The following FKBP14 variants were observed in gnomAD, a reference collection of about 807,000 sequenced individuals.
FKBP14 encodes FKBP prolyl isomerase 14.
In FKBP14, 20 loss-of-function variants were observed where a neutral mutation model predicts 21.6. The observed-to-expected ratio is 0.92, with a 90% confidence interval of 0.65 to 1.34. The LOEUF (loss-of-function observed/expected upper bound fraction) is 1.34, where lower values mean the gene tolerates loss of function less well. Among genes scored for constraint, FKBP14 ranks in the 40% most tolerant of loss-of-function variants. The pLI is 0.00. For synonymous variants in FKBP14, 79 were observed against 86.7 expected, an observed-to-expected ratio of 0.91 and a Z score of 0.49; for missense variants, 253 against 249.0, an observed-to-expected ratio of 1.02 and a Z score of -0.11.
intron 1 of FKBP14, among the ~76,000 whole-genome samples, chr7:30,023,959 C>T (rs1050408967): frequency 5.3e-5 from 8 of 152,008 alleles, no homozygotes; most frequent in African/African-American, 1.4e-4. Flanking sequence ...CAACTGGGGA[C>T]GAGGGAAATA....
intron 1 of FKBP14, among the ~76,000 whole-genome samples, chr7:30,024,239 T>C (rs1790112640): frequency 6.6e-6 from 1 of 152,156 alleles, no homozygotes. Context: ...AAATGCCAAC[T>C]GTAGAAAATT....
chr7:30,019,028 G>A lies in FKBP14; in HGVS notation c.445C>T (p.Leu149Phe). The A allele has an allele frequency of 6.2e-7, 1 of 1,608,724 alleles. No individual in the cohort carries two copies. The highest frequency in any genetic ancestry group is 8.5e-7 in the Non-Finnish European group (1 of 1,178,382). ...TTAGAGAGTTTCCAGTCATCATTAA[G>A]ATCCATTTCTTGGAATGATTCATGG... is the stretch of plus-strand genomic sequence containing the variant. ...RSHESFQEMDLNDDWKLSKDE... is the reference protein window; with the variant it reads ...RSHESFQEMDFNDDWKLSKDE... The change falls in exon 3 of 4, where the codon CTT (leucine) becomes TTT (phenylalanine). Residue 149 changes from leucine (L) to phenylalanine (F), a missense_variant. Leu to Phe is a conservative substitution (Grantham distance 22, BLOSUM62 0). Coordinates refer to ENST00000222803, the MANE Select transcript of FKBP14 (RefSeq NM_017946.4).
In FKBP14 at chr7:30,026,669, C is replaced by T; in HGVS notation, c.-161G>A. 3.2e-6 allele frequency: 2 copies of T among 624,860 alleles called. No individual in the cohort carries two copies. The highest frequency in any genetic ancestry group is 2.4e-5 in the South Asian group (1 of 41,864). The allele number at this position is 624,860 out of a possible 1,614,324, so 38.7% of individuals were successfully genotyped here. A position where few individuals can be genotyped will look rare whatever the true frequency, so the allele number is the denominator to read the frequency against. On this transcript the variant is annotated 5_prime_UTR_variant, in exon 1 of 4. Coordinates refer to ENST00000222803, the MANE Select transcript of FKBP14 (RefSeq NM_017946.4). ...GCACATTTACCACCAACTCTTTTCT[C>T]AAGGGTCACGAACCTACCTTTAAAG...
rs1371149177 is a variant in FKBP14 at position 30,012,000 on chromosome 7, G to A, written c.*2735C>T. The A allele has an allele frequency of 6.6e-6, 1 of 152,170 alleles. No homozygotes were observed. Among genetic ancestry groups the A allele is most frequent in the East Asian group, 1.9e-4 (1 of 5,192 alleles). 9.4% of individuals were successfully genotyped at this position (152,170 alleles called of 1,614,324 possible). ...AACAGCAACATGCTGTAGCCTAGGAGCAATAGGCTATATACATGTCCTACA... is the reference window on the plus strand; with the variant it reads ...AACAGCAACATGCTGTAGCCTAGGAACAATAGGCTATATACATGTCCTACA... On this transcript the variant is annotated 3_prime_UTR_variant, in exon 4 of 4. Coordinates refer to ENST00000222803, the MANE Select transcript of FKBP14 (RefSeq NM_017946.4).
At chr7:30,019,246 A>G in intron 2 of FKBP14, 123 bp from the exon 3 acceptor site, 1 of 885,544 alleles carries the variant, frequency 1.1e-6, no homozygotes, top group Non-Finnish European at 1.6e-6. Context: ...AGATTGTCAT[A>G]TATGATGAAA....
chr7:30,023,069 A>C (rs540030504), intron 1 of FKBP14, among the ~76,000 whole-genome samples: 73 of 146,202 alleles, frequency 5.0e-4, no homozygotes, highest in Admixed American at 1.3e-3. Flanking sequence ...TAAAAACAAC[A>C]ACCATTTGAA....
chr7:30,008,673 A>AT (rs1406951693), downstream of FKBP14, among the ~76,000 whole-genome samples: 4 of 130,694 alleles, frequency 3.1e-5, no homozygotes, highest in African/African-American at 8.9e-5. Flanking sequence ...GTGAGCTGAG[A>AT]TTTAAAAAAA....
At chr7:30,024,477 T>C (rs1341584861) in intron 1 of FKBP14, among the ~76,000 whole-genome samples, 1 of 152,224 alleles carries the variant, frequency 6.6e-6, no homozygotes, top group Non-Finnish European at 1.5e-5. Flanking sequence ...CTTGGCTCAC[T>C]GCAGCCTCCG....
chr7:30,008,947 CAAAA>C (rs1015375422), downstream of FKBP14, among the ~76,000 whole-genome samples: 1 of 114,638 alleles, frequency 8.7e-6, no homozygotes, highest in African/African-American at 3.3e-5. Context: ...AATCCGTCTC[CAAAA>C]AAAAAAAAAG....
chr7:30,020,288 A>G, intron 2 of FKBP14: 1 of 1,282,500 alleles, frequency 7.8e-7, no homozygotes, highest in Non-Finnish European at 1.0e-6. Flanking sequence ...AGAGGCATGC[A>G]AGCATGTACT....
downstream of FKBP14, among the ~76,000 whole-genome samples, chr7:30,006,507 A>G (rs965974020): frequency 6.6e-6 from 1 of 152,038 alleles, no homozygotes; most frequent in African/African-American, 2.4e-5. Flanking sequence ...TTCTGAAAAA[A>G]ATATATATAG....
intron 2 of FKBP14, among the ~76,000 whole-genome samples, chr7:30,022,148 C>T (rs1230532232): frequency 6.6e-6 from 1 of 152,098 alleles, no homozygotes. Context: ...CCATATATAA[C>T]CCACATCTAA....
At chr7:30,015,751 G>A (rs1348737219) in intron 3 of FKBP14, among the ~76,000 whole-genome samples, 14 of 143,560 alleles carry the variant, frequency 9.8e-5, no homozygotes, top group African/African-American at 2.3e-4. Flanking sequence ...TCAGCCTCCC[G>A]AGTAGCTGGG....
In FKBP14 at chr7:30,024,380, G is replaced by A. The variant is rs186795928; in HGVS notation, c.198-1564C>T. Among the ~76,000 whole-genome samples, 6 of 152,334 alleles carry A rather than the reference G, an allele frequency of 3.9e-5. No individual in the cohort carries two copies. In the East Asian group the frequency reaches 1.2e-3, roughly 29 times the overall value. On this transcript the variant is annotated intron_variant, in intron 1 of 3. Coordinates refer to ENST00000222803, the MANE Select transcript of FKBP14 (RefSeq NM_017946.4). ...CTATGGTTCTAGAGATGGCAAACGT[G>A]CTTACAAACTGATCATTTGATGGTA...
chr7:30,009,986 G>A (rs528819276), downstream of FKBP14, among the ~76,000 whole-genome samples: 2 of 152,036 alleles, frequency 1.3e-5, no homozygotes, highest in African/African-American at 2.4e-5. Context: ...CAACAAGAGC[G>A]AAACTGTGTC....
chr7:30,012,782 C>G lies in FKBP14; in HGVS notation c.*1953G>C, dbSNP rs1404711793. On this transcript the variant is annotated 3_prime_UTR_variant, in exon 4 of 4. Coordinates refer to ENST00000222803, the MANE Select transcript of FKBP14 (RefSeq NM_017946.4). ...CCATTTCTATATCATAGTGAGAATT[C>G]TAATGTACCAGAAACAGGCAGAAAG... 1 of 152,146 alleles carries G rather than the reference C, an allele frequency of 6.6e-6. No homozygotes were observed. Among genetic ancestry groups the G allele is most frequent in the Non-Finnish European group, 1.5e-5 (1 of 68,036 alleles). 9.4% of individuals were successfully genotyped at this position (152,146 alleles called of 1,614,324 possible). A position where few individuals can be genotyped will look rare whatever the true frequency, so the allele number is the denominator to read the frequency against.
intron 3 of FKBP14, among the ~76,000 whole-genome samples, chr7:30,016,386 TG>T (rs1313153774): frequency 2.0e-5 from 3 of 152,038 alleles, no homozygotes; most frequent in African/African-American, 7.2e-5. Flanking sequence ...CATTTTCATT[TG>T]TTTTTTTGTT....
In FKBP14 at chr7:30,012,395, A is replaced by G. The variant is rs1328220340; in HGVS notation, c.*2340T>C. ...ACTATAGATAGCATCAGTAATGTTT[A>G]TACAGAGTAGCACCATCGGACAAAC... On this transcript the variant is annotated 3_prime_UTR_variant, in exon 4 of 4. Transcript: ENST00000222803. 6.6e-6 allele frequency: 1 copy of G among 152,266 alleles called. No individual in the cohort carries two copies. The highest frequency in any genetic ancestry group is 2.4e-5 in the African/African-American group (1 of 41,470). 9.4% of individuals were successfully genotyped at this position (152,266 alleles called of 1,614,324 possible). A position where few individuals can be genotyped will look rare whatever the true frequency, so the allele number is the denominator to read the frequency against.
downstream of FKBP14, among the ~76,000 whole-genome samples, chr7:30,006,794 T>C (rs373448974): frequency 4.3e-4 from 66 of 152,320 alleles, no homozygotes; most frequent in African/African-American, 1.5e-3. Flanking sequence ...TTTTTTCCAC[T>C]GACCTAGTGA....
Sources: allele counts gnomAD v4.1 joint callset (sites outside exome capture counted in the v4.1 genomes callset), GRCh38; gene constraint gnomAD v4.1.1; transcripts MANE v1.5; gene names NCBI Gene and HGNC (gene_info 2026-07-23, HGNC 2026-07-21).